Variants in NOMO1 observed in about 807,000 individuals in gnomAD.
The protein encoded by NOMO1 is NODAL modulator 1.
NOMO1 carries 40 observed loss-of-function variants against 133.8 expected under a neutral mutation model. The observed-to-expected ratio is 0.30, with a 90% CI of 0.23 to 0.39. NOMO1 has a LOEUF of 0.39. Among genes scored for constraint, NOMO1 ranks in the 10% least tolerant of loss-of-function variants. The probability of loss-of-function intolerance (pLI) is 1.00; values close to 1 mark genes in which losing one functional copy is unlikely to be tolerated. For missense variants in NOMO1, 462 were observed against 1,419.9 expected, an observed-to-expected ratio of 0.33 and a Z score of 10.84; for synonymous variants, 236 against 570.5, an observed-to-expected ratio of 0.41 and a Z score of 8.36.
rs1457024385 is a variant in NOMO1, at chr16:14,857,735, T to C, written c.1220+80T>C. On this transcript the variant is annotated intron_variant, in intron 11 of 30. Coordinates refer to ENST00000287667, the MANE Select transcript of NOMO1 (RefSeq NM_014287.4). Reference sequence around the variant, plus strand: ...AGAACCGAATGACCTGTGATCTGTGTGTCTTTGCCGAGCTTAAGAACTTAA... The same window carrying C: ...AGAACCGAATGACCTGTGATCTGTGCGTCTTTGCCGAGCTTAAGAACTTAA... 7 of 1,597,152 alleles carry C rather than the reference T, an allele frequency of 4.4e-6. No homozygotes were observed. In the African/African-American group the frequency reaches 9.5e-5, roughly 22 times the overall value.
chr16:14,888,509 G>A (rs9646275), intron 28 of NOMO1: 40 of 157,440 alleles, frequency 2.5e-4, no homozygotes, highest in African/African-American at 3.9e-4. Flanking sequence ...AAGCAGCCGC[G>A]GGCCTCATGC....
intron 2 of NOMO1, among the ~76,000 whole-genome samples, chr16:14,838,749 G>A (rs550474328): frequency 1.5e-4 from 22 of 151,266 alleles, no homozygotes; most frequent in Non-Finnish European, 2.4e-4. Flanking sequence ...GTGGCTGTGC[G>A]CTACAGTCAC....
At chr16:14,869,738 A>G (rs75126641) in intron 16 of NOMO1, among the ~76,000 whole-genome samples, 3 of 151,562 alleles carry the variant, frequency 2.0e-5, no homozygotes, top group Non-Finnish European at 4.4e-5. Context: ...GTATGTTTTC[A>G]TTTTTCTTGT....
intron 23 of NOMO1, among the ~76,000 whole-genome samples, chr16:14,879,740 GAAAAAAAAAAA>G (rs370226264): frequency 3.3e-5 from 3 of 92,100 alleles, no homozygotes; most frequent in African/African-American, 1.2e-4. Context: ...CCCTGTCTCA[GAAAAAAAAAAA>G]AAAAAAAGAA....
intron 4 of NOMO1, among the ~76,000 whole-genome samples, chr16:14,846,065 C>T (rs1468244929): frequency 7.4e-6 from 1 of 135,648 alleles, no homozygotes; most frequent in African/African-American, 2.8e-5. Context: ...CTCCCTCTGT[C>T]GCCCAGGCTG....
intron 23 of NOMO1, among the ~76,000 whole-genome samples, chr16:14,879,123 C>T (rs3830051): frequency 0.14 from 18,638 of 133,146 alleles, 7 homozygotes; most frequent in Non-Finnish European, 0.15. Context: ...GGCATCTTCT[C>T]GTTTTGCCAC....
intron 5 of NOMO1, among the ~76,000 whole-genome samples, chr16:14,848,172 G>A (rs894847982): frequency 2.0e-5 from 3 of 150,492 alleles, no homozygotes; most frequent in Non-Finnish European, 2.9e-5. Context: ...TCATTTCACC[G>A]GACTTAGCCT....
chr16:14,885,700 T>G (rs1188570224), intron 27 of NOMO1, among the ~76,000 whole-genome samples: 4 of 150,694 alleles, frequency 2.7e-5, no homozygotes, highest in Non-Finnish European at 5.9e-5. Context: ...CATCCATGAG[T>G]GGCACAGGGG....
intron 15 of NOMO1, among the ~76,000 whole-genome samples, chr16:14,867,775 G>T (rs886862861): frequency 6.7e-6 from 1 of 148,200 alleles, no homozygotes; most frequent in Non-Finnish European, 1.5e-5. Flanking sequence ...ACAAAAACTC[G>T]ACAGGTCGAT....
intron 28 of NOMO1, 34 bp from the exon 29 acceptor site, chr16:14,889,062 C>T: frequency 6.2e-7 from 1 of 1,611,750 alleles, no homozygotes; most frequent in African/African-American, 1.3e-5. Context: ...CAGAGCTGTC[C>T]TTGTAAAAAT....
At chr16:14,841,945 C>T (rs1320661052) in intron 3 of NOMO1, among the ~76,000 whole-genome samples, 1 of 151,854 alleles carries the variant, frequency 6.6e-6, no homozygotes, top group African/African-American at 2.4e-5. Context: ...TAGTTATAGT[C>T]CCTGCCCCAC....
At chr16:14,873,427 G>T (rs1265043424) in intron 18 of NOMO1, among the ~76,000 whole-genome samples, 1 of 139,190 alleles carries the variant, frequency 7.2e-6, no homozygotes, top group African/African-American at 2.6e-5. Flanking sequence ...GCGACGGACT[G>T]GTCGGAGAGT....
chr16:14,881,731 G>A lies in NOMO1; in HGVS notation c.3027+46G>A, dbSNP rs752404049. Reference sequence around the variant, plus strand: ...TCTTTGGGGACTTTTTTTTCATCCTGTGTCCAGAAGTATCTTGTGGTGGCC... The same window carrying A: ...TCTTTGGGGACTTTTTTTTCATCCTATGTCCAGAAGTATCTTGTGGTGGCC... On this transcript the variant is annotated intron_variant, in intron 25 of 30. Transcript: ENST00000287667. 6 of 1,610,544 alleles carry A rather than the reference G, an allele frequency of 3.7e-6. No homozygotes were observed. The Admixed American group carries it at 1.0e-4, about 27-fold the overall frequency.
At chr16:14,845,138 C>T (rs564993945) in intron 4 of NOMO1, among the ~76,000 whole-genome samples, 1 of 151,874 alleles carries the variant, frequency 6.6e-6, no homozygotes, top group South Asian at 2.1e-4. Context: ...TCTCCTGCCT[C>T]ACCCTCCCGC....
chr16:14,864,816 T>C lies in NOMO1; in HGVS notation c.1537+90T>C, dbSNP rs572689749. On this transcript the variant is annotated intron_variant, in intron 13 of 30. Transcript: ENST00000287667. ...TGGGAAACTTTTCCTTTTGCCTTTG[T>C]TGTTTGCTACTGATCACCTGCGTGC... is the stretch of plus-strand genomic sequence containing the variant. The C allele has an allele frequency of 1.2e-5, 20 of 1,609,600 alleles. No individual in the cohort carries two copies. In the African/African-American group the frequency reaches 2.5e-4, roughly 21 times the overall value.
rs565299434 is a variant in NOMO1, at chr16:14,885,478, G to T, written c.3222+996G>T. ...ATAAAATACCCTGCAGACCCTCTAC[G>T]GATGTTAGTGATTTGCTCTGGGGGT... On this transcript the variant is annotated intron_variant, in intron 27 of 30. Coordinates refer to ENST00000287667, the MANE Select transcript of NOMO1 (RefSeq NM_014287.4). 2.6e-5 allele frequency among the ~76,000 whole-genome samples: 4 copies of T among 152,194 alleles called. No individual in the cohort carries two copies. In the East Asian group the frequency reaches 7.7e-4, roughly 29 times the overall value.
At chr16:14,884,573 G>T in intron 27 of NOMO1, 91 bp downstream of exon 27, 4 of 1,588,050 alleles carry the variant, frequency 2.5e-6, no homozygotes. Flanking sequence ...TGCCTGTCTC[G>T]TGCCTTAGGT....
In NOMO1 at chr16:14,864,687, C is replaced by T. The variant is rs1963966683; in HGVS notation, c.1498C>T (p.Gln500Ter). The part of the protein sequence containing the change: ...NRPMMDVAFV[Q>*]FLASVSGKVS... The stretch of plus-strand genomic sequence containing the variant: ...GCCCATGATGGATGTGGCCTTTGTA[C>T]AGTTCTTGGCATCAGTTTCTGGGAA... The change falls in exon 13 of 31, where the codon CAG becomes TAG. Residue 500 changes from glutamine to a stop codon, truncating the protein, a stop_gained. Coordinates refer to ENST00000287667, the MANE Select transcript of NOMO1 (RefSeq NM_014287.4). LOFTEE classifies it high-confidence loss of function. The T allele has an allele frequency of 6.2e-7, 1 of 1,613,240 alleles. No individual in the cohort carries two copies.
At chr16:14,887,619 TTTTATGGACAGTA>T (rs1964345721) in intron 28 of NOMO1, among the ~76,000 whole-genome samples, 1 of 152,002 alleles carries the variant, frequency 6.6e-6, no homozygotes, top group South Asian at 2.1e-4. Context: ...ATACTATGAT[TTTTATGGACAGTA>T]GTCCATAAAC....
Sources: gnomAD v4.1 joint callset for allele counts (sites outside exome capture counted in the v4.1 genomes callset) on GRCh38, gnomAD v4.1.1 for gene constraint, MANE v1.5 for transcripts, NCBI Gene and HGNC (gene_info 2026-07-23, HGNC 2026-07-21) for gene names.